Variants in SGCZ observed in about 807,000 individuals in gnomAD.
The protein encoded by SGCZ is sarcoglycan zeta.
SGCZ carries 40 observed loss-of-function variants against 41.3 expected under a neutral mutation model. That is an observed-to-expected ratio of 0.97 (90% CI 0.75 to 1.26). The LOEUF (loss-of-function observed/expected upper bound fraction) is 1.26. Among genes scored for constraint, SGCZ ranks in the 50% most tolerant of loss-of-function variants. The pLI, the probability that SGCZ is intolerant of heterozygous loss-of-function variation, is 0.00. For missense variants in SGCZ, 552 were observed against 369.8 expected (o/e 1.49, Z -4.04); for synonymous variants, 206 against 137.5 (o/e 1.50, Z -3.49).
chr8:14,132,954 G>A (rs907330922), intron 5 of SGCZ, among the ~76,000 whole-genome samples: 2 of 151,970 alleles, frequency 1.3e-5, no homozygotes, highest in Admixed American at 6.6e-5. Context: ...TCTTTTCCTT[G>A]TGCTCAGCTA....
At position 14,402,621 on chromosome 8, in the gene SGCZ, G is replaced by A. The variant is rs1447451698; in HGVS notation, c.235-78417C>T. ...TGTAGATATGTGGCGTTATTTCTGA[G>A]GGCTCTGTTCTGTTCCATTGATCTA... On this transcript the variant is annotated intron_variant, in intron 2 of 7. Coordinates refer to ENST00000382080, the MANE Select transcript of SGCZ (RefSeq NM_139167.4). 1.4e-5 allele frequency among the ~76,000 whole-genome samples: 2 copies of A among 142,530 alleles called. 1 individual carries two copies. The highest frequency in any genetic ancestry group is 6.0e-5 in the African/African-American group (2 of 33,184). 93.5% of individuals were successfully genotyped at this position (142,530 alleles called of 152,430 possible).
At chr8:14,460,911 T>C (rs1008820457) in intron 2 of SGCZ, among the ~76,000 whole-genome samples, 3 of 152,194 alleles carry the variant, frequency 2.0e-5, no homozygotes, top group Admixed American at 6.6e-5. Flanking sequence ...ATTTGGCCCA[T>C]ATTCTCCTGT....
intron 1 of SGCZ, among the ~76,000 whole-genome samples, chr8:15,093,151 T>C (rs1030189420): frequency 7.9e-5 from 12 of 152,188 alleles, no homozygotes; most frequent in African/African-American, 1.7e-4. Flanking sequence ...CACTTCTCTG[T>C]GACTTGAAAA....
chr8:14,468,938 C>G (rs1020057285), intron 2 of SGCZ, among the ~76,000 whole-genome samples: 1 of 152,102 alleles, frequency 6.6e-6, no homozygotes, highest in Non-Finnish European at 1.5e-5. Context: ...ACTTTACATA[C>G]ATTCCATTGC....
chr8:14,681,244 C>T (rs1245375837), intron 1 of SGCZ, among the ~76,000 whole-genome samples: 1 of 151,950 alleles, frequency 6.6e-6, no homozygotes, highest in Non-Finnish European at 1.5e-5. Flanking sequence ...GGAAAAAAGA[C>T]ATTATGTACA....
chr8:15,226,916 C>T (rs903467361), intron 1 of SGCZ, among the ~76,000 whole-genome samples: 1 of 152,184 alleles, frequency 6.6e-6, no homozygotes, highest in Non-Finnish European at 1.5e-5. Flanking sequence ...GAACGATCTT[C>T]TGAGCTCCAG....
intron 1 of SGCZ, among the ~76,000 whole-genome samples, chr8:14,702,861 ATAG>A (rs1563213141): frequency 6.7e-6 from 1 of 149,600 alleles, no homozygotes; most frequent in Non-Finnish European, 1.5e-5. Flanking sequence ...AGATAGATAG[ATAG>A]ATAGATAGAT....
chr8:14,348,673 A>G (rs1802977201), intron 2 of SGCZ, among the ~76,000 whole-genome samples: 1 of 152,158 alleles, frequency 6.6e-6, no homozygotes, highest in African/African-American at 2.4e-5. Flanking sequence ...AACGCACATT[A>G]TAGTTGGAAA....
intron 4 of SGCZ, among the ~76,000 whole-genome samples, chr8:14,188,039 C>A (rs1804963022): frequency 6.6e-6 from 1 of 152,034 alleles, no homozygotes; most frequent in African/African-American, 2.4e-5. Flanking sequence ...ACAGCATATT[C>A]AAAGTGTTCA....
intron 3 of SGCZ, among the ~76,000 whole-genome samples, chr8:14,306,316 A>T (rs1057140222): frequency 6.6e-6 from 1 of 152,224 alleles, no homozygotes; most frequent in Non-Finnish European, 1.5e-5. Context: ...TTCCTGCTAG[A>T]AGCTATGTAG....
chr8:14,568,153 A>G (rs1381253802), intron 1 of SGCZ, among the ~76,000 whole-genome samples: 2 of 152,062 alleles, frequency 1.3e-5, no homozygotes, highest in Non-Finnish European at 2.9e-5. Flanking sequence ...CAAACACCGC[A>G]TATTCTCACT....
At chr8:15,162,663 C>G (rs989510899) in intron 1 of SGCZ, among the ~76,000 whole-genome samples, 1 of 152,184 alleles carries the variant, frequency 6.6e-6, no homozygotes, top group African/African-American at 2.4e-5. Flanking sequence ...AATTCTGGCT[C>G]TCTCAAGTGG....
intron 1 of SGCZ, among the ~76,000 whole-genome samples, chr8:14,628,763 T>A (rs938801151): frequency 6.6e-6 from 1 of 152,120 alleles, no homozygotes; most frequent in Non-Finnish European, 1.5e-5. Flanking sequence ...TGCTTTCACA[T>A]CAAGGTCATT....
At chr8:14,131,670 G>C (rs1013585037) in intron 5 of SGCZ, among the ~76,000 whole-genome samples, 1 of 152,058 alleles carries the variant, frequency 6.6e-6, no homozygotes, top group African/African-American at 2.4e-5. Context: ...ATATGCACGT[G>C]TTTCATCAAA....
intron 1 of SGCZ, among the ~76,000 whole-genome samples, chr8:15,060,319 C>G (rs1475726393): frequency 6.6e-6 from 1 of 151,920 alleles, no homozygotes; most frequent in Non-Finnish European, 1.5e-5. Flanking sequence ...CACATATACA[C>G]CATGGAATAC....
intron 3 of SGCZ, among the ~76,000 whole-genome samples, chr8:14,284,984 G>C (rs1193404957): frequency 6.6e-6 from 1 of 152,038 alleles, no homozygotes; most frequent in African/African-American, 2.4e-5. Context: ...TATGAAAGGT[G>C]CCTCCAGATG....
chr8:14,665,219 G>A (rs1012516701), intron 1 of SGCZ, among the ~76,000 whole-genome samples: 1 of 151,844 alleles, frequency 6.6e-6, no homozygotes, highest in Non-Finnish European at 1.5e-5. Flanking sequence ...GTGTCCATGT[G>A]TTCTCATTGT....
chr8:15,130,174 G>A (rs904846381), intron 1 of SGCZ, among the ~76,000 whole-genome samples: 8 of 152,130 alleles, frequency 5.3e-5, no homozygotes, highest in Admixed American at 2.0e-4. Context: ...ACTACACTCT[G>A]TTCTTGCTGC....
chr8:14,689,193 T>C (rs1808719201), intron 1 of SGCZ, among the ~76,000 whole-genome samples: 1 of 152,098 alleles, frequency 6.6e-6, no homozygotes, highest in Non-Finnish European at 1.5e-5. Flanking sequence ...GGGCTTATGC[T>C]TTTATACACT....
Sources: gnomAD v4.1 joint callset for allele counts (sites outside exome capture counted in the v4.1 genomes callset) on GRCh38, gnomAD v4.1.1 for gene constraint, MANE v1.5 for transcripts, NCBI Gene and HGNC (gene_info 2026-07-23, HGNC 2026-07-21) for gene names.